The following HPSE2 variants were observed in gnomAD, a reference collection of about 807,000 sequenced individuals.
The protein encoded by HPSE2 is heparanase 2 (inactive).
In HPSE2, 38 loss-of-function variants were observed where a neutral mutation model predicts 60.5. The observed-to-expected ratio is 0.63, with a 90% CI of 0.48 to 0.82. The LOEUF (loss-of-function observed/expected upper bound fraction) is 0.82, where lower values mean the gene tolerates loss of function less well. Among genes scored for constraint, HPSE2 ranks in the 40% least tolerant of loss-of-function variants. The pLI, the probability that HPSE2 is intolerant of heterozygous loss-of-function variation, is 0.00. For missense variants in HPSE2, 713 were observed against 740.4 expected (o/e 0.96, Z 0.43); for synonymous variants, 295 against 293.2 (o/e 1.01, Z -0.06).
chr10:98,919,810 C>T (rs986993369), intron 3 of HPSE2, among the ~76,000 whole-genome samples: 4 of 151,938 alleles, frequency 2.6e-5, no homozygotes, highest in Non-Finnish European at 4.4e-5. Flanking sequence ...AAAGAAGGAA[C>T]GAAGAGGTTT....
chr10:99,288,498 G>A, the HPSE2 span, among the ~76,000 whole-genome samples: 1 of 152,060 alleles, frequency 6.6e-6, no homozygotes, highest in Non-Finnish European at 1.5e-5. Flanking sequence ...AGGAGGAGGA[G>A]AAGGATGGCT....
At chr10:98,926,094 C>A (rs1590089539) in intron 3 of HPSE2, among the ~76,000 whole-genome samples, 1 of 152,048 alleles carries the variant, frequency 6.6e-6, no homozygotes, top group Non-Finnish European at 1.5e-5. Context: ...TTTTAAAATA[C>A]TGAATATACA....
chr10:99,215,459 C>T (rs191134887), intron 2 of HPSE2, among the ~76,000 whole-genome samples: 10 of 152,102 alleles, frequency 6.6e-5, no homozygotes, highest in East Asian at 5.8e-4. Flanking sequence ...CAGGGCCTGT[C>T]GGCGGGGTAG....
intron 3 of HPSE2, among the ~76,000 whole-genome samples, chr10:98,964,686 A>T (rs1023728117): frequency 2.6e-5 from 4 of 152,168 alleles, no homozygotes; most frequent in African/African-American, 9.6e-5. Context: ...TATGCATTCA[A>T]GATATTTGAT....
At chr10:98,522,220 T>C (rs1217672475) in intron 9 of HPSE2, among the ~76,000 whole-genome samples, 1 of 151,662 alleles carries the variant, frequency 6.6e-6, no homozygotes, top group Non-Finnish European at 1.5e-5. Context: ...CTGATATGTA[T>C]TAGGGTTTGT....
intron 2 of HPSE2, among the ~76,000 whole-genome samples, chr10:99,193,173 T>G (rs1020784148): frequency 2.6e-5 from 4 of 152,020 alleles, no homozygotes. Context: ...TTTTTATTAG[T>G]TTTCTCTTTT....
At chr10:99,059,647 A>C (rs1166937215) in intron 3 of HPSE2, among the ~76,000 whole-genome samples, 2 of 152,126 alleles carry the variant, frequency 1.3e-5, no homozygotes, top group Non-Finnish European at 2.9e-5. Context: ...TAATAGATTT[A>C]TTTTCTGGGA....
intron 9 of HPSE2, among the ~76,000 whole-genome samples, chr10:98,569,762 T>C (rs2133894498): frequency 6.6e-6 from 1 of 152,254 alleles, no homozygotes; most frequent in East Asian, 1.9e-4. Flanking sequence ...AGGAAGATAT[T>C]AACAATACCA....
At chr10:98,675,578 A>ACAC (rs57464346) in intron 6 of HPSE2, among the ~76,000 whole-genome samples, 3 of 150,660 alleles carry the variant, frequency 2.0e-5, no homozygotes, top group Non-Finnish European at 3.0e-5. Context: ...ACACACACAC[A>ACAC]ATAACCAGCC....
intron 9 of HPSE2, among the ~76,000 whole-genome samples, chr10:98,531,536 C>G (rs1943131341): frequency 1.3e-5 from 2 of 152,218 alleles, no homozygotes; most frequent in African/African-American, 4.8e-5. Flanking sequence ...CACGTGCGGG[C>G]TAATAATGGG....
chr10:98,816,645 C>T (rs113021602), intron 3 of HPSE2, among the ~76,000 whole-genome samples: 6 of 152,210 alleles, frequency 3.9e-5, no homozygotes, highest in African/African-American at 1.4e-4. Flanking sequence ...GCTGGAAGTA[C>T]CCCAATTAGC....
chr10:98,535,283 C>T (rs967508498), intron 9 of HPSE2, among the ~76,000 whole-genome samples: 1 of 151,738 alleles, frequency 6.6e-6, no homozygotes, highest in Non-Finnish European at 1.5e-5. Context: ...TGACATAAAT[C>T]AGAAAACTGC....
upstream of HPSE2, among the ~76,000 whole-genome samples, chr10:99,237,863 T>G (rs1175795834): frequency 6.6e-6 from 1 of 152,228 alleles, no homozygotes; most frequent in African/African-American, 2.4e-5. Context: ...TGCCTTTGTG[T>G]TCCCAGACTG....
chr10:99,213,478 C>CA (rs199985000), intron 2 of HPSE2, among the ~76,000 whole-genome samples: 63 of 150,720 alleles, frequency 4.2e-4, no homozygotes, highest in South Asian at 3.2e-3. Context: ...GAGCATTTGG[C>CA]AAAAAAAACA....
chr10:98,929,129 T>C (rs1434107356), intron 3 of HPSE2, among the ~76,000 whole-genome samples: 1 of 143,694 alleles, frequency 7.0e-6, no homozygotes, highest in African/African-American at 2.8e-5. Flanking sequence ...ATACCTTCTT[T>C]CCTATTAATA....
chr10:98,652,288 G>GA (rs2134063395), intron 6 of HPSE2, among the ~76,000 whole-genome samples: 1 of 152,246 alleles, frequency 6.6e-6, no homozygotes, highest in East Asian at 1.9e-4. Context: ...GATGAGGAAG[G>GA]AAACACCAAC....
chr10:98,948,573 A>C (rs1955257546), intron 3 of HPSE2, among the ~76,000 whole-genome samples: 1 of 152,194 alleles, frequency 6.6e-6, no homozygotes, highest in Admixed American at 6.5e-5. Flanking sequence ...ACTGAAACTA[A>C]AGCAAATGGT....
chr10:98,646,196 G>T (rs1946764113), intron 6 of HPSE2, among the ~76,000 whole-genome samples: 1 of 152,156 alleles, frequency 6.6e-6, no homozygotes, highest in Non-Finnish European at 1.5e-5. Context: ...TGCATGTGGT[G>T]ATAGGTCCAA....
chr10:98,537,110 TGAA>T lies in HPSE2; in HGVS notation c.1321-46917_1321-46915del, dbSNP rs1209172294. On this transcript the variant is annotated intron_variant, in intron 9 of 11. Coordinates refer to ENST00000370552, the MANE Select transcript of HPSE2 (RefSeq NM_021828.5). ...AGTTAAGGAGACTTGGGGAGTAAGA[TGAA>T]GGAGTAAGTTAAGTTTCTAACTCAG... 2.0e-5 allele frequency among the ~76,000 whole-genome samples: 3 copies of T among 152,266 alleles called. No homozygotes were observed. In the South Asian group the frequency reaches 6.2e-4, roughly 32 times the overall value.
Sources: gnomAD v4.1 joint callset for allele counts (sites outside exome capture counted in the v4.1 genomes callset) on GRCh38, gnomAD v4.1.1 for gene constraint, MANE v1.5 for transcripts, NCBI Gene and HGNC (gene_info 2026-07-23, HGNC 2026-07-21) for gene names.